Variants in ADAMTS3 observed in about 807,000 individuals in gnomAD.
ADAMTS3 encodes A disintegrin and metalloproteinase with thrombospondin motifs 3.
A neutral mutation model predicts 129.0 loss-of-function variants in ADAMTS3; 73 were observed. That is an observed-to-expected ratio of 0.57 (90% CI 0.47 to 0.69). ADAMTS3 has a LOEUF of 0.69. Among genes scored for constraint, ADAMTS3 ranks in the 30% least tolerant of loss-of-function variants. ADAMTS3 has a pLI of 0.00. For missense variants in ADAMTS3, 1,457 were observed against 1,514.5 expected (o/e 0.96, Z 0.63); for synonymous variants, 477 against 510.8 (o/e 0.93, Z 0.89).
At chr4:72,373,498 A>C (rs1429138425) in intron 4 of ADAMTS3, among the ~76,000 whole-genome samples, 1 of 152,234 alleles carries the variant, frequency 6.6e-6, no homozygotes, top group Non-Finnish European at 1.5e-5. Context: ...ATTTTACAAA[A>C]TAATTTGATT....
chr4:72,448,210 A>C (rs1718306076), intron 3 of ADAMTS3, among the ~76,000 whole-genome samples: 1 of 151,754 alleles, frequency 6.6e-6, no homozygotes, highest in African/African-American at 2.4e-5. Flanking sequence ...GTATATTTTC[A>C]TCAATTGGTG....
At chr4:72,477,493 C>T (rs574484916) in intron 3 of ADAMTS3, among the ~76,000 whole-genome samples, 19 of 151,968 alleles carry the variant, frequency 1.3e-4, no homozygotes, top group East Asian at 5.8e-4. Context: ...TTGAAACCAA[C>T]GAGAAAAAAG....
intron 5 of ADAMTS3, among the ~76,000 whole-genome samples, chr4:72,326,794 T>G (rs1253287010): frequency 6.6e-6 from 1 of 152,170 alleles, no homozygotes; most frequent in Non-Finnish European, 1.5e-5. Context: ...GACCTCAAGA[T>G]TCTTCTATTT....
chr4:72,440,501 T>A (rs1718083687), intron 3 of ADAMTS3, among the ~76,000 whole-genome samples: 1 of 151,818 alleles, frequency 6.6e-6, no homozygotes, highest in Non-Finnish European at 1.5e-5. Flanking sequence ...TTTTTAGCAA[T>A]GCATATGATG....
intron 4 of ADAMTS3, among the ~76,000 whole-genome samples, chr4:72,346,698 A>C (rs1380576161): frequency 6.6e-6 from 1 of 152,128 alleles, no homozygotes; most frequent in Admixed American, 6.6e-5. Flanking sequence ...TGCATGAGAC[A>C]TATTTAATAC....
At chr4:72,512,817 T>C (rs979034887) in intron 3 of ADAMTS3, among the ~76,000 whole-genome samples, 1 of 152,194 alleles carries the variant, frequency 6.6e-6, no homozygotes. Context: ...GAGCATGCTA[T>C]TCTTGAAGTT....
chr4:72,564,034 G>A (rs1518490), intron 2 of ADAMTS3, among the ~76,000 whole-genome samples: 146,819 of 152,256 alleles, frequency 0.96, 71,026 homozygotes, highest in East Asian at 1. Context: ...ATCTGAGAGA[G>A]TAAGATTAGC....
At chr4:72,291,395 T>TC (rs1288915519) in intron 19 of ADAMTS3, among the ~76,000 whole-genome samples, 1 of 101,784 alleles carries the variant, frequency 9.8e-6, no homozygotes, top group African/African-American at 3.9e-5. Context: ...ATACTATCCC[T>TC]CCCCCTCCCC....
At chr4:72,458,458 A>G (rs1718681870) in intron 3 of ADAMTS3, among the ~76,000 whole-genome samples, 2 of 151,646 alleles carry the variant, frequency 1.3e-5, no homozygotes, top group African/African-American at 4.8e-5. Context: ...AACAGAAATT[A>G]TGGTAAAAAT....
intron 6 of ADAMTS3, among the ~76,000 whole-genome samples, chr4:72,321,696 C>T (rs922384972): frequency 6.6e-6 from 1 of 152,148 alleles, no homozygotes; most frequent in East Asian, 1.9e-4. Context: ...AATATGAATT[C>T]TTCCATGAGT....
intron 3 of ADAMTS3, among the ~76,000 whole-genome samples, chr4:72,518,144 G>C (rs539862910): frequency 2.0e-5 from 3 of 152,244 alleles, no homozygotes; most frequent in South Asian, 4.2e-4. Context: ...TAGTTGAGCG[G>C]TTTTGAGTGA....
At chr4:72,369,098 C>G (rs1720940287) in intron 4 of ADAMTS3, among the ~76,000 whole-genome samples, 1 of 152,142 alleles carries the variant, frequency 6.6e-6, no homozygotes, top group East Asian at 1.9e-4. Context: ...GGATGAAAAA[C>G]AGTTAAAAGT....
intron 3 of ADAMTS3, among the ~76,000 whole-genome samples, chr4:72,419,820 C>T (rs567441763): frequency 6.6e-6 from 1 of 151,920 alleles, no homozygotes; most frequent in African/African-American, 2.4e-5. Context: ...AACAATGCCA[C>T]GGAGGACTAT....
At chr4:72,348,186 T>A (rs1288402281) in intron 4 of ADAMTS3, among the ~76,000 whole-genome samples, 1 of 152,042 alleles carries the variant, frequency 6.6e-6, no homozygotes, top group African/African-American at 2.4e-5. Context: ...AACATGTTGC[T>A]TACCCTCATA....
intron 3 of ADAMTS3, among the ~76,000 whole-genome samples, chr4:72,455,973 C>CGT (rs1418698479): frequency 1.7e-4 from 2 of 12,086 alleles, no homozygotes; most frequent in Admixed American, 1.6e-3. Context: ...ATATATTTTA[C>CGT]ATATAGTATA....
chr4:72,448,389 G>T (rs1023686724), intron 3 of ADAMTS3, among the ~76,000 whole-genome samples: 5 of 151,750 alleles, frequency 3.3e-5, no homozygotes, highest in African/African-American at 9.7e-5. Flanking sequence ...TTCAGTTATT[G>T]CTAATTATTT....
At chr4:72,371,481 G>A (rs1430791604) in intron 4 of ADAMTS3, among the ~76,000 whole-genome samples, 2 of 147,572 alleles carry the variant, frequency 1.4e-5, no homozygotes, top group African/African-American at 5.1e-5. Context: ...AAATAAAGTA[G>A]ATGCAGCTAT....
chr4:72,422,429 C>G lies in ADAMTS3; in HGVS notation c.505-7458G>C, dbSNP rs530959500. Among the ~76,000 whole-genome samples the G allele has an allele frequency of 4.7e-4, 72 of 152,110 alleles. 1 individual carries two copies. The East Asian group carries it at 8.7e-3, about 18-fold the overall frequency. On this transcript the variant is annotated intron_variant, in intron 3 of 21. Coordinates refer to ENST00000286657, the MANE Select transcript of ADAMTS3 (RefSeq NM_014243.3). ...CCAAACTATTTTCCAAAATTTAACACTAATTTTTTTTAAATATTTATTTTT... is the reference window on the plus strand; with the variant it reads ...CCAAACTATTTTCCAAAATTTAACAGTAATTTTTTTTAAATATTTATTTTT...
chr4:72,303,403 T>TA (rs1228119843), intron 17 of ADAMTS3, among the ~76,000 whole-genome samples: 3 of 151,786 alleles, frequency 2.0e-5, no homozygotes, highest in East Asian at 3.9e-4. Context: ...AAACAGGGAA[T>TA]AAAAAACCAA....
Sources: allele counts gnomAD v4.1 joint callset (sites outside exome capture counted in the v4.1 genomes callset), GRCh38; gene constraint gnomAD v4.1.1; transcripts MANE v1.5; gene names NCBI Gene and HGNC (gene_info 2026-07-23, HGNC 2026-07-21).